Variants in CSMD1 observed in about 807,000 individuals in gnomAD.
The protein encoded by CSMD1 is CUB and sushi domain-containing protein 1.
In CSMD1, 213 loss-of-function variants were observed where a neutral mutation model predicts 417.5. The observed-to-expected ratio is 0.51, with a 90% confidence interval of 0.46 to 0.57. CSMD1 has a LOEUF of 0.57. Ranked by LOEUF, CSMD1 falls within the 20% of genes least tolerant of loss-of-function variation. CSMD1 has a pLI of 0.00. For missense variants in CSMD1, 6,923 were observed against 4,529.7 expected, an observed-to-expected ratio of 1.53 and a Z score of -15.17; for synonymous variants, 2,862 against 1,736.8, an observed-to-expected ratio of 1.65 and a Z score of -16.11.
intron 54 of CSMD1, among the ~76,000 whole-genome samples, chr8:2,996,525 A>G (rs956092044): frequency 5.9e-5 from 9 of 152,232 alleles, no homozygotes; most frequent in Admixed American, 5.9e-4. Context: ...AGGCCTGTGC[A>G]GTAAACTCAG....
chr8:3,934,695 C>T (rs950185645), intron 5 of CSMD1, among the ~76,000 whole-genome samples: 1 of 151,808 alleles, frequency 6.6e-6, no homozygotes, highest in Non-Finnish European at 1.5e-5. Context: ...CTCTACTAAA[C>T]ATGCAAAAAT....
At position 4,266,436 on chromosome 8, in the gene CSMD1, T is replaced by G. The variant is rs974133566; in HGVS notation, c.415+153517A>C. On this transcript the variant is annotated intron_variant, in intron 3 of 69. Coordinates refer to ENST00000635120, the MANE Select transcript of CSMD1 (RefSeq NM_033225.6). Reference sequence around the variant, plus strand: ...ATAATGTGATTTCATTATAATATGTTAGGTTATATTGATGATTGGTTAGAT... The same window carrying G: ...ATAATGTGATTTCATTATAATATGTGAGGTTATATTGATGATTGGTTAGAT... 1.4e-4 allele frequency among the ~76,000 whole-genome samples: 15 copies of G among 104,984 alleles called. 1 individual carries two copies. Among genetic ancestry groups the G allele is most frequent in the African/African-American group, 3.9e-4 (15 of 38,420 alleles). 68.9% of individuals were successfully genotyped at this position (104,984 alleles called of 152,430 possible).
chr8:3,384,165 C>T (rs529181053), intron 18 of CSMD1, among the ~76,000 whole-genome samples: 1 of 152,214 alleles, frequency 6.6e-6, no homozygotes, highest in African/African-American at 2.4e-5. Context: ...TTGAGCTACA[C>T]ACTTATACTT....
chr8:3,263,894 T>G (rs866961987), intron 26 of CSMD1, among the ~76,000 whole-genome samples: 25 of 152,356 alleles, frequency 1.6e-4, no homozygotes, highest in African/African-American at 5.8e-4. Context: ...GTACACTGTT[T>G]AAAGTTATTT....
At chr8:4,177,537 A>G (rs938856972) in intron 3 of CSMD1, among the ~76,000 whole-genome samples, 18 of 152,278 alleles carry the variant, frequency 1.2e-4, no homozygotes, top group African/African-American at 4.3e-4. Flanking sequence ...AAACAAGAGC[A>G]AACACATTCA....
intron 3 of CSMD1, among the ~76,000 whole-genome samples, chr8:4,048,383 T>C (rs990630260): frequency 2.6e-5 from 4 of 152,184 alleles, no homozygotes; most frequent in African/African-American, 4.8e-5. Context: ...ACACAGACAA[T>C]GCTTCCTAGA....
At chr8:4,303,690 C>G (rs1236515711) in intron 3 of CSMD1, among the ~76,000 whole-genome samples, 3 of 151,930 alleles carry the variant, frequency 2.0e-5, no homozygotes, top group Non-Finnish European at 4.4e-5. Context: ...TAGTCTTGCT[C>G]TCTTGCCCAG....
At chr8:3,005,468 A>G (rs1055158573) in intron 52 of CSMD1, among the ~76,000 whole-genome samples, 63 of 152,288 alleles carry the variant, frequency 4.1e-4, no homozygotes, top group Middle Eastern at 6.8e-3. Context: ...AAACACAACC[A>G]AAAAAGAGAA....
rs78337700 is a variant in CSMD1, at chr8:3,953,854, C to T, written c.818+44049G>A. 4.7e-4 allele frequency among the ~76,000 whole-genome samples: 71 copies of T among 152,294 alleles called. 3 individuals are homozygous for T. In the East Asian group the frequency reaches 0.014, roughly 29 times the overall value. ...TGCAGTTCCTAGAGAGCCTAATGTT[C>T]TGGGTGGTCTCCTGTGTGAGGTGCT... On this transcript the variant is annotated intron_variant, in intron 5 of 69. Coordinates refer to ENST00000635120, the MANE Select transcript of CSMD1 (RefSeq NM_033225.6).
intron 7 of CSMD1, among the ~76,000 whole-genome samples, chr8:3,639,363 G>T (rs982244124): frequency 6.6e-6 from 1 of 152,194 alleles, no homozygotes; most frequent in Non-Finnish European, 1.5e-5. Flanking sequence ...GAAAAAGAGA[G>T]AATGAAAGTG....
chr8:3,620,646 A>C (rs1563205755), intron 7 of CSMD1, among the ~76,000 whole-genome samples: 1 of 152,130 alleles, frequency 6.6e-6, no homozygotes, highest in Non-Finnish European at 1.5e-5. Context: ...ACCATAAAGA[A>C]AGTATCTATA....
chr8:4,009,988 C>T (rs1816418677), intron 4 of CSMD1, among the ~76,000 whole-genome samples: 1 of 152,090 alleles, frequency 6.6e-6, no homozygotes, highest in Admixed American at 6.6e-5. Flanking sequence ...ATTTTCTGAC[C>T]CCCTAATCTT....
At chr8:3,709,294 T>C (rs1371009811) in intron 6 of CSMD1, among the ~76,000 whole-genome samples, 1 of 152,220 alleles carries the variant, frequency 6.6e-6, no homozygotes, top group Middle Eastern at 3.4e-3. Context: ...GGTCCCCATA[T>C]GAGACTGGAC....
chr8:4,288,223 G>C (rs1210084672), intron 3 of CSMD1, among the ~76,000 whole-genome samples: 7 of 152,100 alleles, frequency 4.6e-5, no homozygotes, highest in Admixed American at 4.6e-4. Context: ...TCCACTCAGG[G>C]CCTGGCAGTG....
In CSMD1 at chr8:4,651,127, G is replaced by A. The variant is rs1005530949; in HGVS notation, c.86-13569C>T. Among the ~76,000 whole-genome samples the A allele has an allele frequency of 4.6e-5, 7 of 152,010 alleles. No individual in the cohort carries two copies. In the South Asian group the frequency reaches 8.3e-4, roughly 18 times the overall value. On this transcript the variant is annotated intron_variant, in intron 1 of 69. Coordinates refer to ENST00000635120, the MANE Select transcript of CSMD1 (RefSeq NM_033225.6). ...CAAGCGAATGGCAGCAAAAAGCTGA[G>A]GCTAAAATGAGTACTATAGTTTCAA...
chr8:2,947,055 C>A (rs1802291339), intron 68 of CSMD1, among the ~76,000 whole-genome samples: 1 of 152,102 alleles, frequency 6.6e-6, no homozygotes, highest in Non-Finnish European at 1.5e-5. Context: ...TGGTCAATTT[C>A]TTATTTAGGT....
chr8:3,363,416 A>G (rs2117735306), intron 20 of CSMD1, among the ~76,000 whole-genome samples: 1 of 152,318 alleles, frequency 6.6e-6, no homozygotes, highest in South Asian at 2.1e-4. Context: ...ATAGAAGAAA[A>G]CAAATTCTGC....
intron 3 of CSMD1, among the ~76,000 whole-genome samples, chr8:4,210,892 T>C (rs1240656814): frequency 6.6e-6 from 1 of 152,164 alleles, no homozygotes; most frequent in East Asian, 1.9e-4. Context: ...TCAGACCATA[T>C]TTTCTATAAG....
chr8:4,197,281 G>T (rs139626417), intron 3 of CSMD1, among the ~76,000 whole-genome samples: 135 of 152,310 alleles, frequency 8.9e-4, no homozygotes, highest in African/African-American at 2.8e-3. Flanking sequence ...AGAAGTATTA[G>T]GCATTAAGTA....
Sources: allele counts gnomAD v4.1 joint callset (sites outside exome capture counted in the v4.1 genomes callset), GRCh38; gene constraint gnomAD v4.1.1; transcripts MANE v1.5; gene names NCBI Gene and HGNC (gene_info 2026-07-23, HGNC 2026-07-21).